Variants in CHSY3 observed in about 807,000 individuals in gnomAD.
The protein encoded by CHSY3 is chondroitin sulfate synthase 3.
Under a neutral mutation model 67.2 loss-of-function variants are expected in CHSY3, and 35 were observed. The ratio of observed to expected loss-of-function variants is 0.52; its 90% CI spans 0.40 to 0.69. The LOEUF is 0.69. Among genes scored for constraint, CHSY3 ranks in the 30% least tolerant of loss-of-function variants. CHSY3 has a pLI of 0.00. For synonymous variants in CHSY3, 474 were observed against 434.7 expected, an observed-to-expected ratio of 1.09 and a Z score of -1.12; for missense variants, 1,069 against 1,138.5, an observed-to-expected ratio of 0.94 and a Z score of 0.88.
intron 2 of CHSY3, among the ~76,000 whole-genome samples, chr5:130,088,827 A>T (rs1227243469): frequency 6.6e-6 from 1 of 152,134 alleles, no homozygotes; most frequent in Non-Finnish European, 1.5e-5. Flanking sequence ...TTCCTCAGGG[A>T]TCTAGAACTA....
chr5:129,962,524 C>T (rs1413292279), intron 2 of CHSY3, among the ~76,000 whole-genome samples: 1 of 152,002 alleles, frequency 6.6e-6, no homozygotes, highest in Non-Finnish European at 1.5e-5. Flanking sequence ...TGACCTGTCA[C>T]TGCCCTGCTT....
chr5:129,960,635 A>G (rs952535605), intron 2 of CHSY3, among the ~76,000 whole-genome samples: 8 of 152,046 alleles, frequency 5.3e-5, no homozygotes. Context: ...AAGACTCTCA[A>G]TGTAATAATC....
chr5:130,052,647 T>A (rs1342290517), intron 2 of CHSY3, among the ~76,000 whole-genome samples: 1 of 152,126 alleles, frequency 6.6e-6, no homozygotes, highest in Non-Finnish European at 1.5e-5. Flanking sequence ...AATCAAGAAG[T>A]GCTGAAACCA....
chr5:129,997,056 C>T (rs1420519707), intron 2 of CHSY3, among the ~76,000 whole-genome samples: 1 of 150,436 alleles, frequency 6.6e-6, no homozygotes, highest in Non-Finnish European at 1.5e-5. Context: ...TTTGGATTAA[C>T]TTTGCAGAAA....
At chr5:130,095,292 A>G (rs2149695195) in intron 2 of CHSY3, among the ~76,000 whole-genome samples, 1 of 152,288 alleles carries the variant, frequency 6.6e-6, no homozygotes, top group South Asian at 2.1e-4. Flanking sequence ...TTCTGCAGTA[A>G]AAAATACTCG....
intron 2 of CHSY3, among the ~76,000 whole-genome samples, chr5:129,928,215 G>A (rs1237401656): frequency 8.4e-6 from 1 of 119,054 alleles, no homozygotes; most frequent in African/African-American, 3.4e-5. Flanking sequence ...CCCTGTGAAA[G>A]GCTCCAGTAC....
At chr5:130,114,493 A>C (rs970537313) in intron 2 of CHSY3, 1 of 152,074 alleles carries the variant, frequency 6.6e-6, no homozygotes, top group Non-Finnish European at 1.5e-5. Context: ...GGATGGGAGA[A>C]ATGTGGTAAA....
chr5:129,919,113 C>CAA (rs35333880), intron 2 of CHSY3, among the ~76,000 whole-genome samples: 49,074 of 73,576 alleles, frequency 0.67, 17,641 homozygotes, highest in East Asian at 0.87. Context: ...GACTCCGTCT[C>CAA]AAAAAAAAAA....
chr5:130,004,254 T>G (rs1209955441), intron 2 of CHSY3, among the ~76,000 whole-genome samples: 2 of 152,210 alleles, frequency 1.3e-5, no homozygotes, highest in Non-Finnish European at 2.9e-5. Flanking sequence ...AATGATATTC[T>G]TTTCTTAACT....
chr5:130,144,437 A>G (rs957202989), intron 2 of CHSY3, among the ~76,000 whole-genome samples: 1 of 152,200 alleles, frequency 6.6e-6, no homozygotes, highest in Admixed American at 6.5e-5. Context: ...GTATCTAGGA[A>G]TAAACTTAAC....
chr5:130,163,989 C>T (rs953611962), intron 2 of CHSY3, among the ~76,000 whole-genome samples: 3 of 152,084 alleles, frequency 2.0e-5, no homozygotes, highest in Non-Finnish European at 4.4e-5. Flanking sequence ...GTGATAACAG[C>T]GATTTTTCCC....
At chr5:130,024,089 C>T (rs184594935) in intron 2 of CHSY3, among the ~76,000 whole-genome samples, 110 of 137,796 alleles carry the variant, frequency 8.0e-4, no homozygotes, top group African/African-American at 2.9e-3. Context: ...CTTATATCTC[C>T]TATTTAATAA....
intron 2 of CHSY3, among the ~76,000 whole-genome samples, chr5:130,063,463 T>C (rs1765775741): frequency 6.6e-6 from 1 of 152,190 alleles, no homozygotes; most frequent in Non-Finnish European, 1.5e-5. Flanking sequence ...ATTTGTGTCA[T>C]AGTTTTATAT....
At chr5:130,141,579 G>C (rs1768867610) in intron 2 of CHSY3, 1 of 476,222 alleles carries the variant, frequency 2.1e-6, no homozygotes, top group Non-Finnish European at 4.1e-6. Flanking sequence ...GTATGGTCCA[G>C]GAAGCTGAGA....
At chr5:129,932,212 C>T (rs927172245) in intron 2 of CHSY3, among the ~76,000 whole-genome samples, 2 of 147,548 alleles carry the variant, frequency 1.4e-5, no homozygotes, top group African/African-American at 5.1e-5. Flanking sequence ...TTCACACTGC[C>T]ATGGGGGCTG....
chr5:129,984,262 T>G (rs545691593), intron 2 of CHSY3, among the ~76,000 whole-genome samples: 1 of 152,174 alleles, frequency 6.6e-6, no homozygotes, highest in African/African-American at 2.4e-5. Context: ...CTCACACTTA[T>G]TAGTTAAAAC....
chr5:129,974,847 T>C (rs1762752700), intron 2 of CHSY3: 1 of 152,202 alleles, frequency 6.6e-6, no homozygotes, highest in Non-Finnish European at 1.5e-5. Flanking sequence ...GTGTAAGCTA[T>C]AGTGTAGAGA....
At chr5:130,038,916 T>C (rs898023825) in intron 2 of CHSY3, among the ~76,000 whole-genome samples, 2 of 152,246 alleles carry the variant, frequency 1.3e-5, no homozygotes, top group East Asian at 1.9e-4. Context: ...CCACATATTA[T>C]ATTTACATTT....
intron 2 of CHSY3, among the ~76,000 whole-genome samples, chr5:130,098,698 C>T (rs1767131751): frequency 6.6e-6 from 1 of 152,138 alleles, no homozygotes; most frequent in Non-Finnish European, 1.5e-5. Context: ...TCTATAGACC[C>T]AGTTTCCTAA....
Sources: allele counts gnomAD v4.1 joint callset (sites outside exome capture counted in the v4.1 genomes callset), GRCh38; gene constraint gnomAD v4.1.1; transcripts MANE v1.5; gene names NCBI Gene and HGNC (gene_info 2026-07-23, HGNC 2026-07-21).